The following SLC4A2 variants were observed in gnomAD, a reference collection of about 807,000 sequenced individuals.
The protein encoded by SLC4A2 is anion exchange protein 2.
A neutral mutation model predicts 115.0 loss-of-function variants in SLC4A2; 36 were observed. The observed-to-expected ratio is 0.31, with a 90% CI of 0.24 to 0.41. SLC4A2 has a LOEUF of 0.41. Among genes scored for constraint, SLC4A2 ranks in the 10% least tolerant of loss-of-function variants. The probability of loss-of-function intolerance (pLI) is 1.00; values close to 1 mark genes in which losing one functional copy is unlikely to be tolerated. For missense variants in SLC4A2, 1,252 were observed against 1,705.6 expected (o/e 0.73, Z 4.68); for synonymous variants, 708 against 708.3 (o/e 1.00, Z 0.01).
At position 151,066,929 on chromosome 7, in the gene SLC4A2, G is replaced by A. The variant is rs199803375; in HGVS notation, c.902G>A (p.Arg301Gln). 17 of 1,613,442 alleles carry A rather than the reference G, an allele frequency of 1.1e-5. No homozygotes were observed. The highest frequency in any genetic ancestry group is 1.4e-5 in the Non-Finnish European group (16 of 1,179,834). ...GCCAAAGGTTCCACACAGAGTGGCCGAGAAGGGCGGGAGCCTGGCCCCACA... is the reference window on the plus strand; with the variant it reads ...GCCAAAGGTTCCACACAGAGTGGCCAAGAAGGGCGGGAGCCTGGCCCCACA... ...KNAKGSTQSG[R>Q]EGREPGPTPR... Residue 301 changes from arginine (R) to glutamine (Q), a missense_variant, in exon 7 of 23, where the codon CGA becomes CAA. Coordinates refer to ENST00000413384, the MANE Select transcript of SLC4A2 (RefSeq NM_003040.4).
intron 5 of SLC4A2, 145 bp from the exon 6 acceptor site, chr7:151,066,372 T>C: frequency 1.0e-6 from 1 of 960,778 alleles, no homozygotes; most frequent in South Asian, 1.8e-5. Flanking sequence ...ATCCTCCCCC[T>C]CCCCGTGCCC....
rs1324994013 is a variant in SLC4A2, at chr7:151,063,195, G to T, written c.52-1007G>T. 16 of 1,440,644 alleles carry T rather than the reference G, an allele frequency of 1.1e-5. No homozygotes were observed. In the East Asian group the frequency reaches 4.0e-4, roughly 36 times the overall value. 89.2% of individuals were successfully genotyped at this position (1,440,644 alleles called of 1,614,324 possible). On this transcript the variant is annotated intron_variant, in intron 2 of 22. Coordinates refer to ENST00000413384, the MANE Select transcript of SLC4A2 (RefSeq NM_003040.4). ...GCGCCCGCAGGATGACTCAGGTGGG[G>T]GCTGTGGGGGTGGGGTGAGGGGTGG...
At chr7:151,069,866 C>T in intron 8 of SLC4A2, 81 bp from the exon 9 acceptor site, 1 of 1,575,556 alleles carries the variant, frequency 6.3e-7, no homozygotes, top group Non-Finnish European at 8.7e-7. Context: ...CCACCTGTCC[C>T]CAGCTCCTGC....
chr7:151,070,151 C>T (rs371102144), intron 9 of SLC4A2, 30 bp from the exon 10 acceptor site: 3 of 1,613,970 alleles, frequency 1.9e-6, no homozygotes, highest in Non-Finnish European at 1.7e-6. Context: ...CATTGACCCT[C>T]CTTTGCCTCA....
Position 151,066,905 on chromosome 7 carries a change from C to T in SLC4A2, c.878C>T (p.Ala293Val), listed in dbSNP as rs779362663. 1 of 1,613,740 alleles carries T rather than the reference C, an allele frequency of 6.2e-7. No homozygotes were observed. The highest frequency in any genetic ancestry group is 8.5e-7 in the Non-Finnish European group (1 of 1,179,850). ...CGGCGGCACTTGGTGCGGAAGAATG[C>T]CAAAGGTTCCACACAGAGTGGCCGA... ...GVRRHLVRKNAKGSTQSGREG... is the reference protein window; with the variant it reads ...GVRRHLVRKNVKGSTQSGREG... Residue 293 changes from alanine to valine, a missense_variant, in exon 7 of 23, where the codon GCC becomes GTC. By Grantham distance (64) the Ala-to-Val change is moderately conservative. Transcript: ENST00000413384.
intron 5 of SLC4A2, among the ~76,000 whole-genome samples, chr7:151,065,221 A>G (rs1219714444): frequency 6.6e-6 from 1 of 152,132 alleles, no homozygotes; most frequent in African/African-American, 2.4e-5. Context: ...AGTTCTAAGT[A>G]TGGTTTAGCC....
chr7:151,071,714 G>C lies in SLC4A2; in HGVS notation c.2217G>C (p.Gly739=), dbSNP rs756892986. 2 of 1,610,606 alleles carry C rather than the reference G, an allele frequency of 1.2e-6. No individual in the cohort carries two copies. Among genetic ancestry groups the C allele is most frequent in the Non-Finnish European group, 1.7e-6 (2 of 1,178,076 alleles). ...LLGEKTQDLI[G]VSELIMSTAL... The stretch of plus-strand genomic sequence containing the variant: ...GAGAGAAGACGCAGGACCTGATAGG[G>C]GTGTCGGAGCTGATTATGTCCACAG... The change falls in exon 15 of 23, where the codon GGG becomes GGC. Residue 739 remains glycine, a synonymous_variant. Transcript: ENST00000413384. This position sits in a 1 kb window ranked among gnomAD's most constrained non-coding sequence, Gnocchi z 5.5.
intron 1 of SLC4A2, among the ~76,000 whole-genome samples, chr7:151,061,054 C>T (rs1455870472): frequency 6.6e-6 from 1 of 151,988 alleles, no homozygotes; most frequent in Non-Finnish European, 1.5e-5. Context: ...CAGTGTCCTC[C>T]CCAGACTCCC....
Position 151,074,280 on chromosome 7 carries a change from T to C in SLC4A2, c.2777T>C (p.Phe926Ser). The C allele has an allele frequency of 1.2e-6, 2 of 1,610,218 alleles. No individual in the cohort carries two copies. Among genetic ancestry groups the C allele is most frequent in the Non-Finnish European group, 1.7e-6 (2 of 1,179,256 alleles). ...FFLRKFKNSRFFPGRIRRVIG... is the reference protein window; with the variant it reads ...FFLRKFKNSRSFPGRIRRVIG... Reference sequence around the variant, plus strand: ...CTGCGCAAATTCAAGAACAGCCGGTTCTTTCCTGGCCGGGTGCGTGGGCTT... The same window carrying C: ...CTGCGCAAATTCAAGAACAGCCGGTCCTTTCCTGGCCGGGTGCGTGGGCTT... The change falls in exon 17 of 23, where the codon TTC becomes TCC. Residue 926 changes from phenylalanine to serine, a missense_variant. Phe to Ser is a radical substitution (Grantham distance 155, BLOSUM62 -2). Transcript: ENST00000413384.
chr7:151,069,951 T>C lies in SLC4A2; in HGVS notation c.1152T>C (p.Ala384=). 6.2e-7 allele frequency: 1 copy of C among 1,613,912 alleles called. No homozygotes were observed. Among genetic ancestry groups the C allele is most frequent in the African/African-American group, 1.3e-5 (1 of 75,052 alleles). ...LELRRTLAHG[A]VLLDLDQQTL... is the part of the protein sequence containing the mutation. ...CTCTGTGCCATCTTATGCTAGGGGC[T>C]GTGCTCTTGGATCTGGACCAGCAGA... Residue 384 remains alanine, a synonymous_variant, in exon 9 of 23, where the codon GCT becomes GCC. Coordinates refer to ENST00000413384, the MANE Select transcript of SLC4A2 (RefSeq NM_003040.4).
In SLC4A2 at chr7:151,074,138, G is replaced by A; in HGVS notation, c.2635G>A (p.Gly879Arg). Residue 879 changes from glycine to arginine, a missense_variant, in exon 17 of 23, where the codon GGG becomes AGG. Around this residue, in one of 14 missense-constraint regions of SLC4A2, gnomAD observed 55 missense variants for 48.6 expected, o/e 1.13. Coordinates refer to ENST00000413384, the MANE Select transcript of SLC4A2 (RefSeq NM_003040.4). ...ATGGGCCGGGGCAAGACCCACGCTG[G>A]GGCCGGGCAACAGGAGCTTGGCTGG... is the stretch of plus-strand genomic sequence containing the variant. ...MTWAGARPTL[G>R]PGNRSLAGQS... The A allele has an allele frequency of 6.2e-7, 1 of 1,612,584 alleles. No homozygotes were observed. The highest frequency in any genetic ancestry group is 8.5e-7 in the Non-Finnish European group (1 of 1,179,892).
intron 16 of SLC4A2, 112 bp downstream of exon 16, chr7:151,072,248 C>CG (rs1157177127): frequency 1.2e-6 from 1 of 857,426 alleles, no homozygotes; most frequent in East Asian, 2.4e-5. Context: ...GGAGCATCCC[C>CG]GGGGCTTGTT....
rs142376894 is a variant in SLC4A2 at position 151,074,098 on chromosome 7, C to T, written c.2595C>T (p.Gly865=). The T allele has an allele frequency of 2.3e-5, 37 of 1,609,554 alleles. No individual in the cohort carries two copies. Among genetic ancestry groups the T allele is most frequent in the Non-Finnish European group, 2.9e-5 (34 of 1,177,910 alleles). ...CSASNSSEVD[G]GENMTWAGAR... ...CCTCCAACAGCTCAGAGGTGGACGG[C>T]GGTGAGAACATGACATGGGCCGGGG... Residue 865 remains glycine (G), a synonymous_variant, in exon 17 of 23, where the codon GGC becomes GGT. Transcript: ENST00000413384.
At chr7:151,064,394 G>T in intron 3 of SLC4A2, 27 bp downstream of exon 3, 1 of 1,534,590 alleles carries the variant, frequency 6.5e-7, no homozygotes, top group Non-Finnish European at 8.9e-7. Context: ...GGGAGGGGGA[G>T]GTGGGGGGAT....
Position 151,071,419 on chromosome 7 carries a change from G to C in SLC4A2, c.2005G>C (p.Ala669Pro). 6.2e-7 allele frequency: 1 copy of C among 1,601,886 alleles called. No homozygotes were observed. The highest frequency in any genetic ancestry group is 8.5e-7 in the Non-Finnish European group (1 of 1,178,530). ...ALLQMVEAAG[A>P]AEDDPLRRTG... The stretch of plus-strand genomic sequence containing the variant: ...CCTGCAGATGGTAGAGGCGGCAGGG[G>C]CAGCTGAAGATGATCCCCTTCGGCG... The change falls in exon 14 of 23, where the codon GCA (alanine) becomes CCA (proline). Residue 669 changes from alanine to proline, a missense_variant. Coordinates refer to ENST00000413384, the MANE Select transcript of SLC4A2 (RefSeq NM_003040.4). The surrounding 1 kb of genome is among the most constrained non-coding windows in gnomAD (Gnocchi z 5.5).
intron 7 of SLC4A2, 120 bp downstream of exon 7, chr7:151,067,113 C>T: frequency 1.9e-6 from 2 of 1,076,572 alleles, no homozygotes; most frequent in South Asian, 1.6e-5. Flanking sequence ...TTGTTTGAGA[C>T]AGTCTCGCTC....
chr7:151,074,186 C>A lies in SLC4A2; in HGVS notation c.2683C>A (p.Arg895=), dbSNP rs545248980. 60 of 1,612,878 alleles carry A rather than the reference C, an allele frequency of 3.7e-5. No homozygotes were observed. The highest frequency in any genetic ancestry group is 5.0e-5 in the Non-Finnish European group (59 of 1,180,000). Reference sequence around the variant, plus strand: ...TGGGCAGTCTGGGCAGGGGAAGCCCCGGGGCCAGCCCAACACGGCCCTGCT... The same window carrying A: ...TGGGCAGTCTGGGCAGGGGAAGCCCAGGGGCCAGCCCAACACGGCCCTGCT... ...LAGQSGQGKP[R]GQPNTALLSL... is the part of the protein sequence containing the mutation. The change falls in exon 17 of 23, where the codon CGG becomes AGG. Residue 895 remains arginine, a synonymous_variant. Transcript: ENST00000413384.
chr7:151,059,219 AC>A (rs938112906), upstream of SLC4A2: 41 of 152,098 alleles, frequency 2.7e-4, no homozygotes, highest in African/African-American at 9.9e-4. The surrounding 1 kb of genome is among the most constrained non-coding windows in gnomAD (Gnocchi z 5.8). Flanking sequence ...AGCCCCTGTC[AC>A]CCTTCTCACC....
Position 151,070,043 on chromosome 7 carries a change from A to C in SLC4A2, c.1244A>C (p.Asp415Ala). The change falls in exon 9 of 23, where the codon GAC becomes GCC. Residue 415 changes from aspartate to alanine, a missense_variant. Physicochemically the swap from Asp to Ala is moderately radical, Grantham distance 126 (BLOSUM62 -2). Transcript: ENST00000413384. Reference protein sequence around the residue: ...MVISDQIKAEDRANVLRALLL... With the variant: ...MVISDQIKAEARANVLRALLL... ...ATCTCTGACCAGATCAAGGCCGAGG[A>C]CAGGGCCAACGTGCTGCGGGCTCTG... The C allele has an allele frequency of 6.2e-7, 1 of 1,614,118 alleles. No individual in the cohort carries two copies. Among genetic ancestry groups the C allele is most frequent in the Non-Finnish European group, 8.5e-7 (1 of 1,180,002 alleles).
Sources: allele counts gnomAD v4.1 joint callset (sites outside exome capture counted in the v4.1 genomes callset), GRCh38; gene constraint gnomAD v4.1.1; regional missense constraint gnomAD v4.1.1; non-coding constraint Gnocchi (gnomAD v3.1); transcripts MANE v1.5; gene names NCBI Gene and HGNC (gene_info 2026-07-23, HGNC 2026-07-21).